The following SULT1C3 variants were observed in gnomAD, a reference collection of about 807,000 sequenced individuals.
SULT1C3 encodes the protein sulfotransferase family 1C member 3.
In SULT1C3, 31 loss-of-function variants were observed where a neutral mutation model predicts 28.4. The ratio of observed to expected loss-of-function variants is 1.09; its 90% CI spans 0.82 to 1.47. SULT1C3 has a LOEUF of 1.47. Ranked by LOEUF, SULT1C3 falls within the 40% of genes most tolerant of loss-of-function variation. The pLI is 0.00. For synonymous variants in SULT1C3, 106 were observed against 92.2 expected (o/e 1.15, Z -0.86); for missense variants, 307 against 272.5 (o/e 1.13, Z -0.89).
Position 108,258,963 on chromosome 2 carries a change from C to A in SULT1C3, c.622-3C>A. ...TCACAATGCCTTTTTCTCCCATGAT[C>A]AGAATCCAAAACATGAGATCCACAA... On this transcript the variant is annotated splice_polypyrimidine_tract_variant and splice_region_variant and intron_variant, in intron 6 of 7. Transcript: ENST00000681802. The A allele has an allele frequency of 2.8e-6, 2 of 711,850 alleles. No individual in the cohort carries two copies. Among genetic ancestry groups the A allele is most frequent in the Non-Finnish European group, 4.9e-6 (2 of 410,076 alleles). 44.1% of individuals were successfully genotyped at this position (711,850 alleles called of 1,614,324 possible).
At chr2:108,250,898 G>A (rs537274151) in intron 2 of SULT1C3, among the ~76,000 whole-genome samples, 7 of 152,078 alleles carry the variant, frequency 4.6e-5, no homozygotes, top group Admixed American at 1.3e-4. Flanking sequence ...CCGTGGAGTC[G>A]GAAGTGAGGA....
chr2:108,245,094 C>T (rs1330396617), intron 1 of SULT1C3, among the ~76,000 whole-genome samples: 1 of 152,132 alleles, frequency 6.6e-6, no homozygotes. Flanking sequence ...GAGAAGAAAA[C>T]AGTAGAGGGC....
At chr2:108,265,270 T>G, downstream of SULT1C3, 1 of 1,613,968 alleles carries the variant, frequency 6.2e-7, no homozygotes, top group African/African-American at 1.3e-5. Context: ...ACTATTTTAC[T>G]GTGGCCCAAA....
intron 5 of SULT1C3, among the ~76,000 whole-genome samples, chr2:108,258,519 TAGTC>T (rs542641811): frequency 2.9e-3 from 446 of 152,260 alleles, no homozygotes; most frequent in Non-Finnish European, 3.0e-3. Flanking sequence ...TCACAAGACA[TAGTC>T]AATGTGTGCA....
intron 1 of SULT1C3, among the ~76,000 whole-genome samples, chr2:108,243,943 A>G (rs969713408): frequency 6.6e-6 from 1 of 152,246 alleles, no homozygotes; most frequent in Non-Finnish European, 1.5e-5. Flanking sequence ...ATGTAGTTAC[A>G]GGTCATGTAT....
chr2:108,258,694 T>C (rs776478239), intron 5 of SULT1C3, 40 bp from the exon 6 acceptor site: 1 of 1,503,566 alleles, frequency 6.7e-7, no homozygotes, highest in South Asian at 1.2e-5. Context: ...TTGGGTTTTG[T>C]CCCAGTACTG....
At chr2:108,242,632 A>C (rs980070981) in intron 1 of SULT1C3, among the ~76,000 whole-genome samples, 3 of 152,254 alleles carry the variant, frequency 2.0e-5, no homozygotes, top group Non-Finnish European at 4.4e-5. Context: ...AATGTGAAGT[A>C]ATGTGAAACC....
chr2:108,241,919 T>A (rs1675470751), intron 1 of SULT1C3, among the ~76,000 whole-genome samples: 1 of 114,626 alleles, frequency 8.7e-6, no homozygotes, highest in Non-Finnish European at 1.7e-5. Context: ...AAAGTGAGAC[T>A]CCATCTCAAA....
downstream of SULT1C3, chr2:108,264,912 TC>T (rs771430299): frequency 2.5e-6 from 4 of 1,613,686 alleles, no homozygotes; most frequent in African/African-American, 4.0e-5. Flanking sequence ...CTATCACACC[TC>T]CTTTGATGTA....
intron 2 of SULT1C3, among the ~76,000 whole-genome samples, chr2:108,251,378 CACAT>C (rs1226062294): frequency 6.6e-6 from 1 of 151,846 alleles, no homozygotes; most frequent in African/African-American, 2.4e-5. Flanking sequence ...GAAATGTCAC[CACAT>C]AGTTTTATTC....
Position 108,247,177 on chromosome 2 carries a change from A to AC in SULT1C3, c.-7-8dup, listed in dbSNP as rs1204015598. On this transcript the variant is annotated splice_polypyrimidine_tract_variant and intron_variant, in intron 1 of 7. Transcript: ENST00000681802. ...AAAAATTTTAATTAGTATTGATCTT[A>AC]CCCATCCCAGATTCCCAATGGCGAA... is the stretch of plus-strand genomic sequence containing the variant. The AC allele has an allele frequency of 6.7e-7, 1 of 1,503,346 alleles. No individual in the cohort carries two copies. The highest frequency in any genetic ancestry group is 1.4e-5 in the African/African-American group (1 of 70,908). 93.1% of individuals were successfully genotyped at this position (1,503,346 alleles called of 1,614,324 possible). A position where few individuals can be genotyped will look rare whatever the true frequency, so the allele number is the denominator to read the frequency against.
chr2:108,247,342 A>C lies in SULT1C3; in HGVS notation c.148A>C (p.Ile50Leu). ...TTTCCAAGCCAAGCCTGATGATCTT[A>C]TTCTGGCAACTTACCCAAAGTCAGG... is the stretch of plus-strand genomic sequence containing the variant. Reference protein sequence around the residue: ...CNFQAKPDDLILATYPKSGTT... With the variant: ...CNFQAKPDDLLLATYPKSGTT... The change falls in exon 2 of 8, where the codon ATT becomes CTT. Residue 50 changes from isoleucine (I) to leucine (L), a missense_variant. Transcript: ENST00000681802. 6.4e-7 allele frequency: 1 copy of C among 1,553,068 alleles called. No homozygotes were observed. Among genetic ancestry groups the C allele is most frequent in the Non-Finnish European group, 8.7e-7 (1 of 1,150,184 alleles).
chr2:108,247,396 A>C, intron 2 of SULT1C3, 30 bp downstream of exon 2: 1 of 1,477,796 alleles, frequency 6.8e-7, no homozygotes, highest in Non-Finnish European at 9.0e-7. Context: ...AAAATATTCA[A>C]TATTTTCACG....
At chr2:108,258,880 T>C (rs1573225850) in intron 6 of SULT1C3, 52 bp downstream of exon 6, 1 of 1,418,088 alleles carries the variant, frequency 7.1e-7, no homozygotes, top group Non-Finnish European at 9.8e-7. Flanking sequence ...CCTGACAATG[T>C]TATTCTGTTA....
intron 1 of SULT1C3, among the ~76,000 whole-genome samples, chr2:108,245,671 AT>A (rs1251131962): frequency 6.6e-6 from 1 of 151,732 alleles, no homozygotes; most frequent in African/African-American, 2.4e-5. Flanking sequence ...CCACAAAACC[AT>A]TTTTTCCTCC....
At chr2:108,254,266 G>C (rs540943620) in intron 4 of SULT1C3, among the ~76,000 whole-genome samples, 1 of 151,984 alleles carries the variant, frequency 6.6e-6, no homozygotes, top group African/African-American at 2.4e-5. Flanking sequence ...AAATCCTGCA[G>C]GTCCTTTCAC....
chr2:108,251,817 A>G (rs1225013154), intron 2 of SULT1C3, among the ~76,000 whole-genome samples: 2 of 152,088 alleles, frequency 1.3e-5, no homozygotes, highest in African/African-American at 2.4e-5. Flanking sequence ...ATTGGGCAAA[A>G]GTGATTAATA....
intron 4 of SULT1C3, among the ~76,000 whole-genome samples, chr2:108,254,135 C>T (rs1237213921): frequency 6.6e-6 from 1 of 151,962 alleles, no homozygotes; most frequent in Non-Finnish European, 1.5e-5. Flanking sequence ...TAAACACTTC[C>T]ACAGGTGGAC....
chr2:108,243,873 A>C lies in SULT1C3; in HGVS notation c.-7-3315A>C, dbSNP rs1389082918. Among the ~76,000 whole-genome samples, 9 of 152,342 alleles carry C rather than the reference A, an allele frequency of 5.9e-5. No homozygotes were observed. The South Asian group carries it at 1.9e-3, about 32-fold the overall frequency. On this transcript the variant is annotated intron_variant, in intron 1 of 7. Transcript: ENST00000681802. Reference sequence around the variant, plus strand: ...TTTTTTGGCCCTTACTCAGGAACTGACTTAGCACAAGAAGACAGCCACCAT... The same window carrying C: ...TTTTTTGGCCCTTACTCAGGAACTGCCTTAGCACAAGAAGACAGCCACCAT...
Sources: allele counts gnomAD v4.1 joint callset (sites outside exome capture counted in the v4.1 genomes callset), GRCh38; gene constraint gnomAD v4.1.1; transcripts MANE v1.5; gene names NCBI Gene and HGNC (gene_info 2026-07-23, HGNC 2026-07-21).